Variants in TRIM38 observed in about 807,000 individuals in gnomAD.
TRIM38 encodes the protein tripartite motif containing 38, also known as E3 ubiquitin-protein ligase TRIM38.
A neutral mutation model predicts 35.8 loss-of-function variants in TRIM38; 35 were observed. The observed-to-expected ratio is 0.98, with a 90% CI of 0.75 to 1.30. The LOEUF (loss-of-function observed/expected upper bound fraction) is 1.30. TRIM38 is among the 50% of genes most tolerant of loss of function. The pLI, the probability that TRIM38 is intolerant of heterozygous loss-of-function variation, is 0.00. For synonymous variants in TRIM38, 198 were observed against 204.7 expected, an observed-to-expected ratio of 0.97 and a Z score of 0.28; for missense variants, 545 against 556.9, an observed-to-expected ratio of 0.98 and a Z score of 0.21.
intron 7 of TRIM38, chr6:25,973,501 A>G: frequency 1.0e-6 from 1 of 985,262 alleles, no homozygotes; most frequent in Non-Finnish European, 1.2e-6. Flanking sequence ...TCAAATTCTT[A>G]TTCTTTCACT....
intron 2 of TRIM38, 64 bp downstream of exon 2, chr6:25,963,346 C>T (rs898720152): frequency 6.9e-6 from 1 of 145,610 alleles, no homozygotes; most frequent in East Asian, 2.1e-4. Context: ...CTGACTCTGC[C>T]CCTGTCCTAG....
chr6:25,989,594 T>C lies in TRIM38; in HGVS notation c.*5907T>C, dbSNP rs1480703899. ...GTCTCGAACTCCAGGCCTAAAATGA[T>C]CCTCCTGCCTTGGCCTTCCAAAGTA... On this transcript the variant is annotated 3_prime_UTR_variant, in exon 8 of 8. Coordinates refer to ENST00000357085, the MANE Select transcript of TRIM38 (RefSeq NM_006355.5). 1 of 146,640 alleles carries C rather than the reference T, an allele frequency of 6.8e-6. No individual in the cohort carries two copies. Among genetic ancestry groups the C allele is most frequent in the Non-Finnish European group, 1.5e-5 (1 of 66,868 alleles). 9.1% of individuals were successfully genotyped at this position (146,640 alleles called of 1,614,324 possible).
rs368392547 is a variant in TRIM38 at position 25,971,895 on chromosome 6, A to G, written c.534A>G (p.Lys178=). The G allele has an allele frequency of 3.1e-6, 5 of 1,614,206 alleles. No individual in the cohort carries two copies. Among genetic ancestry groups the G allele is most frequent in the East Asian group, 2.2e-5 (1 of 44,880 alleles). The change falls in exon 5 of 8, where the codon AAA becomes AAG. Residue 178 remains lysine, a synonymous_variant. Coordinates refer to ENST00000357085, the MANE Select transcript of TRIM38 (RefSeq NM_006355.5). ...AGAAGGTACAGATTCAGAGACAAAAAATCCGGTCTGACTTTAAGAATCTCC... is the reference window on the plus strand; with the variant it reads ...AGAAGGTACAGATTCAGAGACAAAAGATCCGGTCTGACTTTAAGAATCTCC... ...WKEKVQIQRQ[K]IRSDFKNLQC...
chr6:25,967,768 C>A (rs1366940537), intron 3 of TRIM38, among the ~76,000 whole-genome samples: 1 of 151,914 alleles, frequency 6.6e-6, no homozygotes, highest in Non-Finnish European at 1.5e-5. Flanking sequence ...AACCCCTGGT[C>A]TCCCTCCCAT....
At position 25,988,248 on chromosome 6, in the gene TRIM38, A is replaced by G. The variant is rs1474182065; in HGVS notation, c.*4561A>G. On this transcript the variant is annotated 3_prime_UTR_variant, in exon 8 of 8. Transcript: ENST00000357085. ...TACTTATGGGTTAGCCCTGCTCAGCAAGGAGCAGTACCTGTTCTGCTGTTG... is the reference window on the plus strand; with the variant it reads ...TACTTATGGGTTAGCCCTGCTCAGCGAGGAGCAGTACCTGTTCTGCTGTTG... 3 of 152,170 alleles carry G rather than the reference A, an allele frequency of 2.0e-5. No homozygotes were observed. Among genetic ancestry groups the G allele is most frequent in the African/African-American group, 7.2e-5 (3 of 41,446 alleles). 9.4% of individuals were successfully genotyped at this position (152,170 alleles called of 1,614,324 possible).
chr6:25,983,605 A>G lies in TRIM38; in HGVS notation c.1316A>G (p.Lys439Arg), dbSNP rs1039205016. ...GGCTGCCACATCTTTACTTTCCCGA[A>G]GGCTTCCTTCTCTGATACTCTCCGG... ...NTGCHIFTFP[K>R]ASFSDTLRPY... Residue 439 changes from lysine (K) to arginine (R), a missense_variant, in exon 8 of 8, where the codon AAG becomes AGG. By Grantham distance (26) the Lys-to-Arg change is conservative. Transcript: ENST00000357085. The G allele has an allele frequency of 3.7e-6, 6 of 1,613,902 alleles. No individual in the cohort carries two copies. The highest frequency in any genetic ancestry group is 3.3e-5 in the Admixed American group (2 of 60,002).
chr6:25,983,432 A>G lies in TRIM38; in HGVS notation c.1143A>G (p.Gly381=). ...GCATGAAGCAAGAGCCTCAGTCTGG[A>G]TTCTGGACCCTCAGGCTGTGCAAAA... The part of the protein sequence containing the change: ...GTGMKQEPQS[G]FWTLRLCKKK... Residue 381 remains glycine, a synonymous_variant, in exon 8 of 8, where the codon GGA becomes GGG. Transcript: ENST00000357085. 3.7e-6 allele frequency: 6 copies of G among 1,614,102 alleles called. No homozygotes were observed. The highest frequency in any genetic ancestry group is 5.1e-6 in the Non-Finnish European group (6 of 1,180,022).
At chr6:25,972,164 A>G in intron 5 of TRIM38, 65 bp downstream of exon 5, 1 of 1,412,726 alleles carries the variant, frequency 7.1e-7, no homozygotes. Flanking sequence ...GAGAATGGTA[A>G]GGAAGCATGG....
In TRIM38 at chr6:25,971,965, G is replaced by T; in HGVS notation, c.604G>T (p.Glu202Ter). 6.2e-7 allele frequency: 1 copy of T among 1,614,154 alleles called. No individual in the cohort carries two copies. The highest frequency in any genetic ancestry group is 1.1e-5 in the South Asian group (1 of 91,076). ...AGAGAAGTCTTATCTCTGGAGGCTG[G>T]AGAAAGAAGAACAACAGACTCTGAG... is the stretch of plus-strand genomic sequence containing the variant. ...EEEKSYLWRLEKEEQQTLSRL... is the reference protein window; with the variant it reads ...EEEKSYLWRL The change falls in exon 5 of 8, where the codon GAG (glutamate) becomes TAG (stop). Residue 202 changes from glutamate (E) to a stop codon, truncating the protein, a stop_gained. Coordinates refer to ENST00000357085, the MANE Select transcript of TRIM38 (RefSeq NM_006355.5). LOFTEE classifies it high-confidence loss of function.
At position 25,983,575 on chromosome 6, in the gene TRIM38, A is replaced by G; in HGVS notation, c.1286A>G (p.Asn429Ser). The G allele has an allele frequency of 1.2e-6, 2 of 1,614,082 alleles. No individual in the cohort carries two copies. Among genetic ancestry groups the G allele is most frequent in the Non-Finnish European group, 1.7e-6 (2 of 1,180,022 alleles). ...EAGVVSFYNG[N>S]TGCHIFTFPK... ...GGAGTTGTATCCTTTTATAACGGGA[A>G]TACTGGCTGCCACATCTTTACTTTC... The change falls in exon 8 of 8, where the codon AAT (asparagine) becomes AGT (serine). Residue 429 changes from asparagine to serine, a missense_variant. By Grantham distance (46) the Asn-to-Ser change is conservative. Transcript: ENST00000357085.
chr6:25,978,464 G>C (rs888298151), intron 7 of TRIM38, among the ~76,000 whole-genome samples: 1 of 151,972 alleles, frequency 6.6e-6, no homozygotes, highest in African/African-American at 2.4e-5. Context: ...ATATATAAAA[G>C]TGAAGCATTG....
intron 4 of TRIM38, among the ~76,000 whole-genome samples, chr6:25,970,340 A>C (rs1760194895): frequency 6.6e-6 from 1 of 152,234 alleles, no homozygotes; most frequent in Non-Finnish European, 1.5e-5. Flanking sequence ...TTTTATGGAA[A>C]TATTTAGGTT....
chr6:25,966,729 T>G lies in TRIM38; in HGVS notation c.207T>G (p.Asp69Glu). ...AGTGTCGGGCTCCATTTCATATGGATAGCCTCCGACCCAACAAGCAGCTGG... is the reference window on the plus strand; with the variant it reads ...AGTGTCGGGCTCCATTTCATATGGAGAGCCTCCGACCCAACAAGCAGCTGG... ...CPQCRAPFHM[D>E]SLRPNKQLGS... is the part of the protein sequence containing the mutation. The change falls in exon 3 of 8, where the codon GAT (aspartate) becomes GAG (glutamate). Residue 69 changes from aspartate (D) to glutamate (E), a missense_variant. By Grantham distance (45) the Asp-to-Glu change is conservative (BLOSUM62 2). Coordinates refer to ENST00000357085, the MANE Select transcript of TRIM38 (RefSeq NM_006355.5). 6.2e-7 allele frequency: 1 copy of G among 1,614,170 alleles called. No individual in the cohort carries two copies. The highest frequency in any genetic ancestry group is 8.5e-7 in the Non-Finnish European group (1 of 1,180,030).
In TRIM38 at chr6:25,985,763, C is replaced by T. The variant is rs1329410261; in HGVS notation, c.*2076C>T. The T allele has an allele frequency of 1.3e-5, 2 of 152,178 alleles. No individual in the cohort carries two copies. The highest frequency in any genetic ancestry group is 3.8e-4 in the East Asian group (2 of 5,202). The allele number at this position is 152,178 out of a possible 1,614,324, so 9.4% of individuals were successfully genotyped here. ...TCTCTACCTCTTGGCATCCCACAGT[C>T]CTGTGTTAATGTAAGTGTGGTCTTC... is the stretch of plus-strand genomic sequence containing the variant. On this transcript the variant is annotated 3_prime_UTR_variant, in exon 8 of 8. Coordinates refer to ENST00000357085, the MANE Select transcript of TRIM38 (RefSeq NM_006355.5).
At chr6:25,967,933 G>C (rs1296200340) in intron 3 of TRIM38, among the ~76,000 whole-genome samples, 1 of 152,182 alleles carries the variant, frequency 6.6e-6, no homozygotes, top group African/African-American at 2.4e-5. Context: ...TCAGGAAGAA[G>C]AGTCAAAGAT....
chr6:25,975,616 T>C (rs1760367962), intron 7 of TRIM38: 14 of 982,608 alleles, frequency 1.4e-5, no homozygotes, highest in African/African-American at 1.7e-5. Context: ...TCAAACAATA[T>C]AAAGGATATA....
At chr6:25,978,121 T>C (rs1462057398) in intron 7 of TRIM38, among the ~76,000 whole-genome samples, 4 of 152,052 alleles carry the variant, frequency 2.6e-5, no homozygotes, top group African/African-American at 9.7e-5. Flanking sequence ...ATATTCTCTC[T>C]ATACATATTT....
intron 4 of TRIM38, among the ~76,000 whole-genome samples, chr6:25,971,374 G>T (rs1581601155): frequency 6.6e-6 from 1 of 152,142 alleles, no homozygotes; most frequent in Non-Finnish European, 1.5e-5. Flanking sequence ...CATTCTTCCA[G>T]CTTCAGTGAC....
intron 3 of TRIM38, among the ~76,000 whole-genome samples, chr6:25,967,290 G>A (rs537184879): frequency 7.2e-5 from 11 of 152,252 alleles, no homozygotes; most frequent in Non-Finnish European, 4.4e-5. Context: ...TGAAAACAGG[G>A]AAGAAAGACC....
Sources: allele counts gnomAD v4.1 joint callset (sites outside exome capture counted in the v4.1 genomes callset), GRCh38; gene constraint gnomAD v4.1.1; transcripts MANE v1.5; gene names NCBI Gene and HGNC (gene_info 2026-07-23, HGNC 2026-07-21).